MYH6: variants seen among roughly 807,000 people sequenced by gnomAD.
MYH6 encodes myosin-6.
In MYH6, 126 loss-of-function variants were observed where a neutral mutation model predicts 223.2. The ratio of observed to expected loss-of-function variants is 0.56; its 90% CI spans 0.49 to 0.65. MYH6 has a LOEUF of 0.65. MYH6 is among the 30% of genes least tolerant of loss of function. The probability of loss-of-function intolerance (pLI) is 0.00; values close to 1 mark genes in which losing one functional copy is unlikely to be tolerated. For missense variants in MYH6, 2,040 were observed against 2,536.4 expected, an observed-to-expected ratio of 0.80 and a Z score of 4.20; for synonymous variants, 978 against 1,010.2, an observed-to-expected ratio of 0.97 and a Z score of 0.61.
At position 23,396,938 on chromosome 14, in the gene MYH6, AGCTCTGGG is replaced by A; in HGVS notation, c.2168+17_2168+24del. On this transcript the variant is annotated intron_variant, in intron 18 of 38. Coordinates refer to ENST00000405093, the MANE Select transcript of MYH6 (RefSeq NM_002471.4). ...GCAGCCTGGCTCCCCCTGTTCTATGAGCTCTGGGGCACCCTCATACCCACCTCTGCCGG... is the reference window on the plus strand; with the variant it reads ...GCAGCCTGGCTCCCCCTGTTCTATGAGCACCCTCATACCCACCTCTGCCGG... The A allele has an allele frequency of 6.2e-7, 1 of 1,612,406 alleles. No homozygotes were observed. Among genetic ancestry groups the A allele is most frequent in the Non-Finnish European group, 8.5e-7 (1 of 1,180,024 alleles).
chr14:23,390,206 G>C lies in MYH6; in HGVS notation c.3583C>G (p.Arg1195Gly). Reference protein sequence around the residue: ...LQHEATAAALRKKHADSVAEL... With the variant: ...LQHEATAAALGKKHADSVAEL... ...GCCACGCTGTCGGCGTGCTTCTTGC[G>C]CAGGGCCGCGGCAGTGGCCTCGTGC... The change falls in exon 26 of 39, where the codon CGC becomes GGC. Residue 1195 changes from arginine to glycine, a missense_variant. By Grantham distance (125) the Arg-to-Gly change is moderately radical. Transcript: ENST00000405093. 1 of 1,601,480 alleles carries C rather than the reference G, an allele frequency of 6.2e-7. No individual in the cohort carries two copies. The highest frequency in any genetic ancestry group is 8.5e-7 in the Non-Finnish European group (1 of 1,172,402).
intron 23 of MYH6, 26 bp downstream of exon 23, chr14:23,393,316 G>A (rs1353259269): frequency 1.2e-6 from 2 of 1,613,972 alleles, no homozygotes; most frequent in Admixed American, 1.7e-5. Context: ...TGCTCTGAGA[G>A]CAGGAGCATG....
rs1233918084 is a variant in MYH6 at position 23,408,259 on chromosome 14, C to T, written c.-53G>A. On this transcript the variant is annotated 5_prime_UTR_variant, in exon 1 of 39. Coordinates refer to ENST00000405093, the MANE Select transcript of MYH6 (RefSeq NM_002471.4). ...ACCCCAAACCTCCTCTTACCTGGGC[C>T]GCAGGAGTCTCTCTATCTGTCCTCA... is the stretch of plus-strand genomic sequence containing the variant. 1.0e-5 allele frequency: 10 copies of T among 985,314 alleles called. No individual in the cohort carries two copies. Among genetic ancestry groups the T allele is most frequent in the African/African-American group, 1.7e-5 (1 of 57,218 alleles). The allele number at this position is 985,314 out of a possible 1,614,324, so 61.0% of individuals were successfully genotyped here. A position where few individuals can be genotyped will look rare whatever the true frequency, so the allele number is the denominator to read the frequency against.
rs1367579362 is a variant in MYH6, at chr14:23,407,198, A to G, written c.26T>C (p.Phe9Ser). 1 of 1,614,050 alleles carries G rather than the reference A, an allele frequency of 6.2e-7. No homozygotes were observed. The highest frequency in any genetic ancestry group is 1.7e-5 in the Admixed American group (1 of 60,004). ...GCGGAGGTACTGGGCCGCTGCCCCA[A>G]AGTCAGCCATCTGGGCATCGGTCAT... is the stretch of plus-strand genomic sequence containing the variant. MTDAQMAD[F>S]GAAAQYLRKS... Residue 9 changes from phenylalanine (F) to serine (S), a missense_variant, in exon 3 of 39, where the codon TTT becomes TCT. By Grantham distance (155) the Phe-to-Ser change is radical. Around this residue, in one of 4 missense-constraint regions of MYH6, gnomAD observed 184 missense variants for 232.4 expected, o/e 0.79. Coordinates refer to ENST00000405093, the MANE Select transcript of MYH6 (RefSeq NM_002471.4). This position sits in a 1 kb window ranked among gnomAD's most constrained non-coding sequence, Gnocchi z 5.6.
At chr14:23,384,202 AAAG>A (rs1331285990) in intron 36 of MYH6, among the ~76,000 whole-genome samples, 1 of 150,876 alleles carries the variant, frequency 6.6e-6, no homozygotes, top group Non-Finnish European at 1.5e-5. Flanking sequence ...AAAAAAAAAA[AAAG>A]AAAGAAAGAA....
Position 23,383,333 on chromosome 14 carries a change from G to A in MYH6, c.5566-13C>T, listed in dbSNP as rs754958478. On this transcript the variant is annotated splice_polypyrimidine_tract_variant and intron_variant, in intron 36 of 38. Coordinates refer to ENST00000405093, the MANE Select transcript of MYH6 (RefSeq NM_002471.4). ...TGTCTTCCTCTGTCTGGGGGTGGGA[G>A]GGTGGGAGAAGCTGGTTTGGAGGGG... 4.0e-6 allele frequency: 2 copies of A among 504,644 alleles called. No homozygotes were observed. Among genetic ancestry groups the A allele is most frequent in the Non-Finnish European group, 4.0e-6 (1 of 252,450 alleles). 31.3% of individuals were successfully genotyped at this position (504,644 alleles called of 1,614,324 possible).
chr14:23,384,626 T>A lies in MYH6; in HGVS notation c.5381A>T (p.Asp1794Val). ...GGCCTCGTCCAGCCGGTGCTGCAGG[T>A]CCTTAATGGTCTGCTCCATGTTCTT... ...MKKNMEQTIKDLQHRLDEAEQ... is the reference protein window; with the variant it reads ...MKKNMEQTIKVLQHRLDEAEQ... Residue 1794 changes from aspartate to valine, a missense_variant, in exon 36 of 39, where the codon GAC becomes GTC. Physicochemically the swap from Asp to Val is radical, Grantham distance 152. Around this residue, in one of 4 missense-constraint regions of MYH6, gnomAD observed 1,203 missense variants for 1,400.2 expected, o/e 0.86. Coordinates refer to ENST00000405093, the MANE Select transcript of MYH6 (RefSeq NM_002471.4). 1 of 1,613,988 alleles carries A rather than the reference T, an allele frequency of 6.2e-7. No individual in the cohort carries two copies.
intron 29 of MYH6, chr14:23,388,635 A>G: frequency 1.2e-6 from 1 of 865,898 alleles, no homozygotes; most frequent in Non-Finnish European, 2.0e-6. Context: ...CGTGAGCATC[A>G]GGTATAACCC....
At chr14:23,396,114 A>AAGAAG (rs1555334146) in intron 20 of MYH6, among the ~76,000 whole-genome samples, 170 bp downstream of exon 20, 43 of 144,738 alleles carry the variant, frequency 3.0e-4, no homozygotes, top group African/African-American at 9.9e-4. Context: ...AAAAAAAAAA[A>AAGAAG]AAGAAGAAGA....
rs1019605371 is a variant in MYH6 at position 23,407,799 on chromosome 14, A to G, written c.-46-191T>C. Among the ~76,000 whole-genome samples the G allele has an allele frequency of 6.6e-6, 1 of 152,232 alleles. No individual in the cohort carries two copies. The highest frequency in any genetic ancestry group is 2.4e-5 in the African/African-American group (1 of 41,456). On this transcript the variant is annotated intron_variant, in intron 1 of 38. Coordinates refer to ENST00000405093, the MANE Select transcript of MYH6 (RefSeq NM_002471.4). The surrounding 1 kb of genome is among the most constrained non-coding windows in gnomAD (Gnocchi z 5.6). The stretch of plus-strand genomic sequence containing the variant: ...GCAGAAAAGAAAGGGCACCGAGTCA[A>G]TATGAGTGCGAGGGACGGGGTGTGG...
rs772858605 is a variant in MYH6, at chr14:23,405,070, C to G, written c.530+30G>C. On this transcript the variant is annotated intron_variant, in intron 6 of 38. Coordinates refer to ENST00000405093, the MANE Select transcript of MYH6 (RefSeq NM_002471.4). This position sits in a 1 kb window ranked among gnomAD's most constrained non-coding sequence, Gnocchi z 4.7. ...TCAGCGTGTATGCCCCCAGCCCAGT[C>G]CCTTCTGTGGGAGGATGGCACTCGC... 1 of 1,614,080 alleles carries G rather than the reference C, an allele frequency of 6.2e-7. No individual in the cohort carries two copies. The highest frequency in any genetic ancestry group is 1.7e-5 in the Admixed American group (1 of 60,030).
Position 23,404,386 on chromosome 14 carries a change from G to A in MYH6, c.645C>T (p.Gly215=). Residue 215 remains glycine (G), a splice_region_variant and synonymous_variant, in exon 8 of 39, where the codon GGC becomes GGT. Coordinates refer to ENST00000405093, the MANE Select transcript of MYH6 (RefSeq NM_002471.4). ...GKKDNANANK[G]TLEDQIIQAN... ...CCTGGATGATCTGGTCCTCCAGGGTGCCCTATGAAAGGAGCAGAACTGCAT... is the reference window on the plus strand; with the variant it reads ...CCTGGATGATCTGGTCCTCCAGGGTACCCTATGAAAGGAGCAGAACTGCAT... The A allele has an allele frequency of 6.2e-7, 1 of 1,614,192 alleles. No individual in the cohort carries two copies. Among genetic ancestry groups the A allele is most frequent in the Non-Finnish European group, 8.5e-7 (1 of 1,180,020 alleles).
chr14:23,393,426 C>A lies in MYH6; in HGVS notation c.3021G>T (p.Gln1007His), dbSNP rs774127327. The change falls in exon 23 of 39, where the codon CAG (glutamine) becomes CAT (histidine). Residue 1007 changes from glutamine (Q) to histidine (H), a missense_variant. Coordinates refer to ENST00000405093, the MANE Select transcript of MYH6 (RefSeq NM_002471.4). ...EKKALQEAHQQALDDLQVEED... is the reference protein window; with the variant it reads ...EKKALQEAHQHALDDLQVEED... ...CCTCAACCTGAAGGTCATCCAGGGCCTGCTGATGGGCCTCTTGTAGAGCTT... is the reference window on the plus strand; with the variant it reads ...CCTCAACCTGAAGGTCATCCAGGGCATGCTGATGGGCCTCTTGTAGAGCTT... 17 of 1,614,182 alleles carry A rather than the reference C, an allele frequency of 1.1e-5. 1 individual carries two copies. In the South Asian group the frequency reaches 1.9e-4, roughly 18 times the overall value.
In MYH6 at chr14:23,404,731, CCTT is replaced by C. The variant is rs1404018896; in HGVS notation, c.619_621del (p.Lys207del). On this transcript the variant is annotated inframe_deletion, in exon 7 of 39. Transcript: ENST00000405093. ...GGCACCTTGTTCGCATTGGCATTGTCCTTCTTGCCACGGTCACCTATGGCTGCA... is the reference window on the plus strand; with the variant it reads ...GGCACCTTGTTCGCATTGGCATTGTCCTTGCCACGGTCACCTATGGCTGCA... 27 of 1,614,036 alleles carry C rather than the reference CCTT, an allele frequency of 1.7e-5. No individual in the cohort carries two copies. In the East Asian group the frequency reaches 1.8e-4, roughly 11 times the overall value.
rs373142631 is a variant in MYH6 at position 23,399,813 on chromosome 14, C to T, written c.1581+443G>A. 1.5e-4 allele frequency: 39 copies of T among 258,108 alleles called. No homozygotes were observed. The South Asian group carries it at 2.0e-3, about 13-fold the overall frequency. The allele number at this position is 258,108 out of a possible 1,614,324, so 16.0% of individuals were successfully genotyped here. The stretch of plus-strand genomic sequence containing the variant: ...GAGCAGAGGTTCACTGAGAGCAAGT[C>T]AGCCCCAGCCTATGGGGCCTCCCGC... On this transcript the variant is annotated intron_variant, in intron 14 of 38. Transcript: ENST00000405093.
At position 23,393,437 on chromosome 14, in the gene MYH6, C is replaced by A. The variant is rs143978652; in HGVS notation, c.3010G>T (p.Ala1004Ser). The A allele has an allele frequency of 1.1e-3, 1,769 of 1,614,160 alleles. 2 individuals are homozygous for A. Among genetic ancestry groups the A allele is most frequent in the Admixed American group, 2.2e-3 (135 of 60,018 alleles). Residue 1004 changes from alanine to serine, a missense_variant, in exon 23 of 39, where the codon GCC becomes TCC. Physicochemically the swap from Ala to Ser is moderately conservative, Grantham distance 99 (BLOSUM62 1). Coordinates refer to ENST00000405093, the MANE Select transcript of MYH6 (RefSeq NM_002471.4). ...AGGTCATCCAGGGCCTGCTGATGGG[C>A]CTCTTGTAGAGCTTTCTTCTCCTTG... ...LTKEKKALQE[A>S]HQQALDDLQV...
Position 23,405,319 on chromosome 14 carries a change from C to T in MYH6, c.406G>A (p.Ala136Thr). Residue 136 changes from alanine to threonine, a missense_variant, in exon 5 of 39, where the codon GCC becomes ACC. Coordinates refer to ENST00000405093, the MANE Select transcript of MYH6 (RefSeq NM_002471.4). This position sits in a 1 kb window ranked among gnomAD's most constrained non-coding sequence, Gnocchi z 4.7. ...CCCCGGTAGGCGGCCACCACCTCGG[C>T]ATTGTACACCGGCAGCCACTTGTAG... The part of the protein sequence containing the change: ...NPYKWLPVYN[A>T]EVVAAYRGKK... 1.2e-6 allele frequency: 2 copies of T among 1,614,128 alleles called. No individual in the cohort carries two copies. Among genetic ancestry groups the T allele is most frequent in the Non-Finnish European group, 1.7e-6 (2 of 1,179,998 alleles).
At chr14:23,403,272 G>T in intron 10 of MYH6, 76 bp downstream of exon 10, 5 of 1,232,786 alleles carry the variant, frequency 4.1e-6, no homozygotes, top group Non-Finnish European at 6.0e-6. Context: ...GAGCAGGAGG[G>T]CCCTGCCCTG....
rs963080171 is a variant in MYH6, at chr14:23,385,766, TTA to T, written c.5163+160_5163+161del. Among the ~76,000 whole-genome samples the T allele has an allele frequency of 2.6e-5, 4 of 152,290 alleles. No homozygotes were observed. The East Asian group carries it at 7.7e-4, about 29-fold the overall frequency. ...TAGCTTCTAAGTAGAGACCGCTTTC[TTA>T]ATATAATGGTTCTGCAGCCACCACA... is the stretch of plus-strand genomic sequence containing the variant. On this transcript the variant is annotated intron_variant, in intron 34 of 38. Transcript: ENST00000405093.
Sources: gnomAD v4.1 joint callset for allele counts (sites outside exome capture counted in the v4.1 genomes callset) on GRCh38, gnomAD v4.1.1 for gene constraint, gnomAD v4.1.1 regional missense constraint, Gnocchi (gnomAD v3.1) non-coding constraint, MANE v1.5 for transcripts, NCBI Gene and HGNC (gene_info 2026-07-23, HGNC 2026-07-21) for gene names.